SAMD5: variants seen among roughly 807,000 people sequenced by gnomAD.
SAMD5 encodes the protein sterile alpha motif domain containing 5, also known as sterile alpha motif domain-containing protein 5.
In SAMD5, 13 loss-of-function variants were observed where a neutral mutation model predicts 11.3. That is an observed-to-expected ratio of 1.15 (90% confidence interval 0.75 to 1.83). The LOEUF is 1.83. Ranked by LOEUF, SAMD5 falls within the 40% of genes most tolerant of loss-of-function variation. The pLI, the probability that SAMD5 is intolerant of heterozygous loss-of-function variation, is 0.00. For synonymous variants in SAMD5, 129 were observed against 111.3 expected (o/e 1.16, Z -1.00); for missense variants, 255 against 239.1 (o/e 1.07, Z -0.44).
At chr6:147,604,843 T>A (rs2128448536) in intron 1 of SAMD5, among the ~76,000 whole-genome samples, 2 of 152,314 alleles carry the variant, frequency 1.3e-5, no homozygotes, top group Middle Eastern at 3.4e-3. Context: ...AGGGTATACC[T>A]TATTGGATTG....
At chr6:147,923,699 T>G in the SAMD5 span, among the ~76,000 whole-genome samples, 134 of 152,320 alleles carry the variant, frequency 8.8e-4, 1 homozygote, top group African/African-American at 3.1e-3. Flanking sequence ...AGTATTCTAT[T>G]TCAGTACACG....
At chr6:147,690,358 C>T (rs1325134809) in intron 1 of SAMD5, among the ~76,000 whole-genome samples, 1 of 152,152 alleles carries the variant, frequency 6.6e-6, no homozygotes, top group African/African-American at 2.4e-5. Context: ...TTTAATATAT[C>T]TCTTTAAATC....
At chr6:147,851,218 A>G in the SAMD5 span, among the ~76,000 whole-genome samples, 1 of 152,200 alleles carries the variant, frequency 6.6e-6, no homozygotes, top group African/African-American at 2.4e-5. Flanking sequence ...TGCTGGGATT[A>G]CAGGCGTGAG....
chr6:147,895,715 A>T, the SAMD5 span, among the ~76,000 whole-genome samples: 1 of 152,196 alleles, frequency 6.6e-6, no homozygotes, highest in Non-Finnish European at 1.5e-5. Context: ...CAACACAGGG[A>T]TAGAAGATTG....
At chr6:147,890,047 G>A in the SAMD5 span, among the ~76,000 whole-genome samples, 1 of 152,022 alleles carries the variant, frequency 6.6e-6, no homozygotes, top group African/African-American at 2.4e-5. Context: ...AGTAGGCTGG[G>A]GCTATCATCA....
the SAMD5 span, among the ~76,000 whole-genome samples, chr6:147,816,049 C>T: frequency 0.017 from 2,536 of 151,632 alleles, 64 homozygotes; most frequent in African/African-American, 0.058. Context: ...GGAGGCCAAA[C>T]GGGCAGATCA....
intron 1 of SAMD5, among the ~76,000 whole-genome samples, chr6:147,663,636 A>G (rs990842076): frequency 6.7e-6 from 1 of 150,180 alleles, no homozygotes; most frequent in African/African-American, 2.5e-5. Flanking sequence ...AAAAAAAAAT[A>G]CAAAAATTAG....
chr6:147,610,155 G>A (rs780098763), intron 1 of SAMD5, among the ~76,000 whole-genome samples: 4 of 152,112 alleles, frequency 2.6e-5, no homozygotes, highest in Admixed American at 6.6e-5. Flanking sequence ...TACACTGTGC[G>A]TGTTCAGGTT....
the SAMD5 span, among the ~76,000 whole-genome samples, chr6:147,875,659 G>A: frequency 2.6e-5 from 4 of 152,142 alleles, no homozygotes; most frequent in African/African-American, 7.2e-5. Context: ...CCCATCACTC[G>A]CAAAACCGCC....
At chr6:147,607,791 C>A (rs2128448832) in intron 1 of SAMD5, among the ~76,000 whole-genome samples, 2 of 152,174 alleles carry the variant, frequency 1.3e-5, no homozygotes, top group East Asian at 3.9e-4. Context: ...ACAGACACAT[C>A]AAGTTAAAAA....
intron 1 of SAMD5, among the ~76,000 whole-genome samples, chr6:147,684,440 A>G (rs933663985): frequency 6.6e-6 from 1 of 152,178 alleles, no homozygotes; most frequent in Non-Finnish European, 1.5e-5. Context: ...ACACACCTAC[A>G]TATGCCTTTC....
chr6:147,869,089 C>T, the SAMD5 span, among the ~76,000 whole-genome samples: 3 of 152,118 alleles, frequency 2.0e-5, no homozygotes, highest in African/African-American at 7.2e-5. Flanking sequence ...AACGGATGTT[C>T]GTTTCATTTT....
chr6:147,772,264 A>G, the SAMD5 span, among the ~76,000 whole-genome samples: 2 of 152,188 alleles, frequency 1.3e-5, no homozygotes, highest in Non-Finnish European at 2.9e-5. Flanking sequence ...ATCAAATGAA[A>G]CAGAGAGCAC....
the SAMD5 span, among the ~76,000 whole-genome samples, chr6:147,778,107 C>T: frequency 7.9e-5 from 12 of 152,156 alleles, no homozygotes; most frequent in African/African-American, 2.9e-4. Context: ...ACTAGAGTTC[C>T]AACTTCTGTA....
At chr6:147,826,702 G>A in the SAMD5 span, among the ~76,000 whole-genome samples, 1 of 152,190 alleles carries the variant, frequency 6.6e-6, no homozygotes, top group Non-Finnish European at 1.5e-5. Context: ...TCATTCATGT[G>A]TGTCATATTA....
the SAMD5 span, among the ~76,000 whole-genome samples, chr6:147,871,760 G>T: frequency 6.6e-6 from 1 of 152,112 alleles, no homozygotes; most frequent in African/African-American, 2.4e-5. Context: ...GAAAAGGCAT[G>T]TTTGATTACA....
chr6:147,531,301 A>G (rs1279685199), intron 1 of SAMD5, among the ~76,000 whole-genome samples: 3 of 152,206 alleles, frequency 2.0e-5, no homozygotes, highest in Non-Finnish European at 4.4e-5. Context: ...GTGAAATTAC[A>G]CTGAAGCCAT....
intron 1 of SAMD5, among the ~76,000 whole-genome samples, chr6:147,680,277 A>G (rs1425903203): frequency 6.6e-6 from 1 of 152,092 alleles, no homozygotes; most frequent in Non-Finnish European, 1.5e-5. Context: ...ATCTCTTGGA[A>G]TTACATATTT....
rs533953022 is a variant in SAMD5 at position 147,685,881 on chromosome 6, G to A, written c.163-51436G>A. On this transcript the variant is annotated intron_variant, in intron 1 of 1. Transcript: ENST00000566741. ...ATCAATGACAGACTTTGAAAGAAGC[G>A]ATGTCATAGGTCACTGATCCTGATG... is the stretch of plus-strand genomic sequence containing the variant. Among the ~76,000 whole-genome samples the A allele has an allele frequency of 2.2e-4, 34 of 152,272 alleles. No homozygotes were observed. In the South Asian group the frequency reaches 6.2e-3, roughly 28 times the overall value.
Sources: allele counts gnomAD v4.1 joint callset (sites outside exome capture counted in the v4.1 genomes callset), GRCh38; gene constraint gnomAD v4.1.1; transcripts MANE v1.5; gene names NCBI Gene and HGNC (gene_info 2026-07-23, HGNC 2026-07-21).